The following SYT16 variants were observed in gnomAD, a reference collection of about 807,000 sequenced individuals.
The protein encoded by SYT16 is synaptotagmin-16.
A neutral mutation model predicts 61.4 loss-of-function variants in SYT16; 42 were observed. The observed-to-expected ratio is 0.68, with a 90% confidence interval of 0.53 to 0.89. SYT16 has a LOEUF of 0.89. Among genes scored for constraint, SYT16 ranks in the 40% least tolerant of loss-of-function variants. The pLI, the probability that SYT16 is intolerant of heterozygous loss-of-function variation, is 0.00. For missense variants in SYT16, 804 were observed against 807.3 expected (o/e 1.00, Z 0.05); for synonymous variants, 314 against 302.3 (o/e 1.04, Z -0.40).
chr14:62,099,951 T>A (rs141697529), intron 7 of SYT16, among the ~76,000 whole-genome samples: 116 of 152,224 alleles, frequency 7.6e-4, no homozygotes, highest in African/African-American at 2.6e-3. Context: ...CATATGAATA[T>A]GTAGAGAGTG....
intron 7 of SYT16, among the ~76,000 whole-genome samples, chr14:62,087,147 T>A (rs2056912706): frequency 6.6e-6 from 1 of 152,152 alleles, no homozygotes; most frequent in African/African-American, 2.4e-5. Context: ...CATTTTTAGT[T>A]CCCATATGGA....
At chr14:62,032,260 T>C (rs780749533) in intron 3 of SYT16, among the ~76,000 whole-genome samples, 42 of 152,146 alleles carry the variant, frequency 2.8e-4, no homozygotes, top group Non-Finnish European at 4.9e-4. Flanking sequence ...TAAAATTCCA[T>C]AGAAATGTAG....
intron 1 of SYT16, among the ~76,000 whole-genome samples, chr14:61,931,865 T>C (rs1341830965): frequency 6.6e-6 from 1 of 152,244 alleles, no homozygotes; most frequent in Non-Finnish European, 1.5e-5. Flanking sequence ...AATAAATTCT[T>C]TAAGTGTCAT....
rs1566830666 is a variant in SYT16 at position 62,081,259 on chromosome 14, A to G, written c.1419A>G (p.Pro473=). ...GEMKVTLVLE[P]RSNISSGGSP... Reference sequence around the variant, plus strand: ...TGAAAGTGACTCTGGTTCTGGAGCCAAGAAGTAATATAAGCGTGAGTATGT... The same window carrying G: ...TGAAAGTGACTCTGGTTCTGGAGCCGAGAAGTAATATAAGCGTGAGTATGT... The change falls in exon 6 of 8, where the codon CCA becomes CCG. Residue 473 remains proline (P), a synonymous_variant. Transcript: ENST00000683842. The G allele has an allele frequency of 1.2e-6, 2 of 1,613,660 alleles. No individual in the cohort carries two copies. Among genetic ancestry groups the G allele is most frequent in the Non-Finnish European group, 1.7e-6 (2 of 1,179,754 alleles).
At chr14:61,923,417 T>C (rs2049415157) in intron 1 of SYT16, among the ~76,000 whole-genome samples, 1 of 152,234 alleles carries the variant, frequency 6.6e-6, no homozygotes, top group East Asian at 1.9e-4. Flanking sequence ...TTGTTCTTGG[T>C]GATAAATTGT....
At chr14:61,983,848 G>T (rs1475398135) in intron 2 of SYT16, among the ~76,000 whole-genome samples, 3 of 152,148 alleles carry the variant, frequency 2.0e-5, no homozygotes, top group Non-Finnish European at 4.4e-5. Flanking sequence ...TTTATTGAAT[G>T]AAATTGCTAT....
chr14:61,852,955 G>T (rs1369521120), intron 1 of SYT16, among the ~76,000 whole-genome samples: 1 of 152,160 alleles, frequency 6.6e-6, no homozygotes, highest in African/African-American at 2.4e-5. Flanking sequence ...GTCTCACTCT[G>T]TTGCCCAGAC....
intron 3 of SYT16, among the ~76,000 whole-genome samples, chr14:62,022,939 A>G (rs2053968211): frequency 2.0e-5 from 3 of 152,280 alleles, no homozygotes; most frequent in South Asian, 4.1e-4. Context: ...TTAAATATTC[A>G]TGCTTAAAAA....
Position 62,042,494 on chromosome 14 carries a change from T to C in SYT16, c.524-27109T>C, listed in dbSNP as rs117330901. 1.2e-4 allele frequency among the ~76,000 whole-genome samples: 19 copies of C among 152,308 alleles called. No homozygotes were observed. The East Asian group carries it at 3.7e-3, about 29-fold the overall frequency. On this transcript the variant is annotated intron_variant, in intron 3 of 7. Transcript: ENST00000683842. ...CTACCTGGGGCTGATTGTTCCTCAT[T>C]ACTGAGGTCAAATCTTTCTGAAGAG...
At chr14:61,956,575 G>A (rs909175020) in intron 1 of SYT16, among the ~76,000 whole-genome samples, 5 of 151,988 alleles carry the variant, frequency 3.3e-5, no homozygotes, top group East Asian at 3.9e-4. Flanking sequence ...TCCCAATTGC[G>A]TACTCTTGAC....
intron 1 of SYT16, among the ~76,000 whole-genome samples, chr14:61,892,569 TC>T (rs1254008122): frequency 6.6e-6 from 1 of 152,168 alleles, no homozygotes; most frequent in Non-Finnish European, 1.5e-5. Context: ...CAGACTTGTA[TC>T]CCCAGCTTGG....
intron 1 of SYT16, among the ~76,000 whole-genome samples, chr14:61,840,239 G>A (rs758122548): frequency 2.2e-4 from 33 of 152,206 alleles, no homozygotes; most frequent in Non-Finnish European, 3.7e-4. Context: ...GCACATTTAA[G>A]AGCCTGTGGG....
intron 2 of SYT16, among the ~76,000 whole-genome samples, chr14:61,980,113 C>G (rs2052008329): frequency 6.6e-6 from 1 of 152,168 alleles, no homozygotes; most frequent in African/African-American, 2.4e-5. Context: ...CCCGTCTCCA[C>G]TGGGGCATAT....
chr14:62,108,524 A>G lies in SYT16; in HGVS notation c.*7817A>G, dbSNP rs1003948789. 2 of 152,136 alleles carry G rather than the reference A, an allele frequency of 1.3e-5. No individual in the cohort carries two copies. Among genetic ancestry groups the G allele is most frequent in the African/African-American group, 2.4e-5 (1 of 41,432 alleles). The allele number at this position is 152,136 out of a possible 1,614,324, so 9.4% of individuals were successfully genotyped here. Reference sequence around the variant, plus strand: ...CTTTTTTGAGAGTGTTTCTTTGTCAAGTTCCTTATAGCCAATGCCTTGACC... The same window carrying G: ...CTTTTTTGAGAGTGTTTCTTTGTCAGGTTCCTTATAGCCAATGCCTTGACC... On this transcript the variant is annotated 3_prime_UTR_variant, in exon 8 of 8. Coordinates refer to ENST00000683842, the MANE Select transcript of SYT16 (RefSeq NM_001367656.1).
At chr14:61,947,040 C>G (rs2050466747) in intron 1 of SYT16, among the ~76,000 whole-genome samples, 1 of 151,974 alleles carries the variant, frequency 6.6e-6, no homozygotes. Context: ...CAGTGAGGTC[C>G]TCCTTCATTT....
intron 1 of SYT16, among the ~76,000 whole-genome samples, chr14:61,903,350 A>T (rs775244946): frequency 1.3e-5 from 2 of 151,950 alleles, no homozygotes; most frequent in Non-Finnish European, 2.9e-5. Flanking sequence ...GGTTTCCCCC[A>T]GTAGACTGTG....
At chr14:61,988,492 G>C (rs990087377) in intron 2 of SYT16, among the ~76,000 whole-genome samples, 9 of 152,126 alleles carry the variant, frequency 5.9e-5, no homozygotes, top group African/African-American at 1.7e-4. Flanking sequence ...TGAAATTTAA[G>C]GAATACTTAC....
At chr14:61,833,970 ATTTTT>A (rs544826072) in intron 1 of SYT16, among the ~76,000 whole-genome samples, 10,352 of 117,276 alleles carry the variant, frequency 0.088, 450 homozygotes, top group Non-Finnish European at 0.12. Context: ...TCTGGCTTTG[ATTTTT>A]TTTTTTTTTT....
chr14:61,908,078 G>T (rs2048793461), intron 1 of SYT16, among the ~76,000 whole-genome samples: 1 of 152,206 alleles, frequency 6.6e-6, no homozygotes, highest in African/African-American at 2.4e-5. Context: ...GTAAGGTGGT[G>T]GGCCACCCCT....
Sources: allele counts gnomAD v4.1 joint callset (sites outside exome capture counted in the v4.1 genomes callset), GRCh38; gene constraint gnomAD v4.1.1; transcripts MANE v1.5; gene names NCBI Gene and HGNC (gene_info 2026-07-23, HGNC 2026-07-21).